Variants in ROBO1 observed in about 807,000 individuals in gnomAD.
ROBO1 encodes the protein roundabout guidance receptor 1.
ROBO1 carries 149 observed loss-of-function variants against 195.9 expected under a neutral mutation model. That is an observed-to-expected ratio of 0.76 (90% CI 0.67 to 0.87). The LOEUF (loss-of-function observed/expected upper bound fraction) is 0.87. Ranked by LOEUF, ROBO1 falls within the 40% of genes least tolerant of loss-of-function variation. ROBO1 has a pLI of 0.00. For synonymous variants in ROBO1, 816 were observed against 733.2 expected (o/e 1.11, Z -1.82); for missense variants, 1,933 against 2,068.3 (o/e 0.93, Z 1.27).
chr3:79,422,833 C>T lies in ROBO1; in HGVS notation c.88+166991G>A, dbSNP rs1345635993. The stretch of plus-strand genomic sequence containing the variant: ...TAGAATCAAGAGTACTTTATCTTTG[C>T]TCATTTTTATTTCTGTGGTACTCAC... On this transcript the variant is annotated intron_variant, in intron 2 of 30. Coordinates refer to ENST00000464233, the MANE Select transcript of ROBO1 (RefSeq NM_002941.4). Among the ~76,000 whole-genome samples, 4 of 152,230 alleles carry T rather than the reference C, an allele frequency of 2.6e-5. No homozygotes were observed. The East Asian group carries it at 7.7e-4, about 29-fold the overall frequency.
intron 2 of ROBO1, among the ~76,000 whole-genome samples, chr3:79,359,824 C>A (rs758641441): frequency 1.3e-5 from 2 of 151,682 alleles, no homozygotes; most frequent in Non-Finnish European, 2.9e-5. Flanking sequence ...AATACAGATA[C>A]CAAGCATAAG....
At chr3:79,296,549 C>T (rs944018680) in intron 2 of ROBO1, among the ~76,000 whole-genome samples, 4 of 152,104 alleles carry the variant, frequency 2.6e-5, no homozygotes, top group Admixed American at 1.3e-4. Context: ...ATCTAACTTG[C>T]CCAATCATGA....
chr3:79,562,488 A>G (rs907667925), intron 2 of ROBO1, among the ~76,000 whole-genome samples: 22 of 152,080 alleles, frequency 1.4e-4, no homozygotes, highest in African/African-American at 4.8e-4. Flanking sequence ...TGTATATATC[A>G]TTGGGAAATC....
chr3:79,202,225 C>T (rs1287435711), intron 2 of ROBO1, among the ~76,000 whole-genome samples: 2 of 151,864 alleles, frequency 1.3e-5, no homozygotes, highest in Admixed American at 1.3e-4. Context: ...CTTTTGATAC[C>T]TTTAGTTTTT....
At position 79,548,039 on chromosome 3, in the gene ROBO1, G is replaced by A. The variant is rs148613084; in HGVS notation, c.88+41785C>T. On this transcript the variant is annotated intron_variant, in intron 2 of 30. Transcript: ENST00000464233. Reference sequence around the variant, plus strand: ...GCAAGTTTCCCCCATGTCAGGTGTCGGGTGTGTGCAGAAACAGTTTTAAGC... The same window carrying A: ...GCAAGTTTCCCCCATGTCAGGTGTCAGGTGTGTGCAGAAACAGTTTTAAGC... 2.8e-3 allele frequency among the ~76,000 whole-genome samples: 427 copies of A among 152,224 alleles called. 3 individuals carry two copies. Among genetic ancestry groups the A allele is most frequent in the African/African-American group, 9.8e-3 (406 of 41,524 alleles).
chr3:79,421,764 G>A (rs980757951), intron 2 of ROBO1, among the ~76,000 whole-genome samples: 9 of 152,122 alleles, frequency 5.9e-5, no homozygotes, highest in South Asian at 2.1e-4. Flanking sequence ...TATTGCTGAC[G>A]GTAAAGCAAG....
At chr3:79,258,879 C>T (rs2082885714) in intron 2 of ROBO1, among the ~76,000 whole-genome samples, 1 of 151,976 alleles carries the variant, frequency 6.6e-6, no homozygotes, top group African/African-American at 2.4e-5. Context: ...AGGCTATTGC[C>T]TAGAAATCCA....
intron 2 of ROBO1, among the ~76,000 whole-genome samples, chr3:79,384,759 C>T (rs965511045): frequency 2.6e-5 from 4 of 151,948 alleles, no homozygotes; most frequent in East Asian, 3.8e-4. Flanking sequence ...AGCACACACA[C>T]GTTTTTAAAA....
intron 2 of ROBO1, among the ~76,000 whole-genome samples, chr3:79,531,979 G>A (rs1246809314): frequency 1.3e-5 from 2 of 152,132 alleles, no homozygotes; most frequent in African/African-American, 4.8e-5. Flanking sequence ...TTGGGAATAC[G>A]ATCTGTTTGA....
At chr3:79,737,883 T>C (rs955476795) in intron 1 of ROBO1, among the ~76,000 whole-genome samples, 4 of 152,202 alleles carry the variant, frequency 2.6e-5, no homozygotes, top group African/African-American at 7.2e-5. Flanking sequence ...TCTTTCTTCT[T>C]TATTTACCTT....
chr3:79,388,644 C>G (rs1228169915), intron 2 of ROBO1, among the ~76,000 whole-genome samples: 1 of 152,058 alleles, frequency 6.6e-6, no homozygotes, highest in African/African-American at 2.4e-5. Flanking sequence ...TTAGACTGAG[C>G]TAAATGATAT....
rs545459284 is a variant in ROBO1 at position 79,741,789 on chromosome 3, T to C, written c.-51+25963A>G. ...ATTGTGACAAAAGTGCTGATAGTGA[T>C]GTGGACAATAAAGTCCAGGCTGAGG... On this transcript the variant is annotated intron_variant, in intron 1 of 30. Coordinates refer to ENST00000464233, the MANE Select transcript of ROBO1 (RefSeq NM_002941.4). Among the ~76,000 whole-genome samples the C allele has an allele frequency of 3.3e-5, 5 of 152,324 alleles. No individual in the cohort carries two copies. In the South Asian group the frequency reaches 1.0e-3, roughly 32 times the overall value.
At chr3:79,602,039 G>A (rs1050034971) in intron 1 of ROBO1, among the ~76,000 whole-genome samples, 1 of 151,880 alleles carries the variant, frequency 6.6e-6, no homozygotes, top group African/African-American at 2.4e-5. Context: ...ATACTTAAAT[G>A]AGCTGCAAAT....
intron 25 of ROBO1, among the ~76,000 whole-genome samples, chr3:78,630,144 A>G (rs1705096184): frequency 6.6e-6 from 1 of 152,192 alleles, no homozygotes; most frequent in Non-Finnish European, 1.5e-5. Context: ...TATATATTAA[A>G]TAAGCCTCTT....
At chr3:79,693,153 A>C (rs752053292) in intron 1 of ROBO1, among the ~76,000 whole-genome samples, 2 of 151,810 alleles carry the variant, frequency 1.3e-5, no homozygotes, top group Admixed American at 6.6e-5. Context: ...TAACCAAAGA[A>C]AATGATAAGT....
intron 2 of ROBO1, chr3:79,527,990 G>T (rs1402889863): frequency 6.5e-5 from 1 of 15,426 alleles, no homozygotes; most frequent in East Asian, 1.5e-3. Flanking sequence ...ACCAAATTGA[G>T]AAGTTATTTT....
chr3:78,698,138 A>G (rs544288832), intron 8 of ROBO1, among the ~76,000 whole-genome samples: 56 of 152,304 alleles, frequency 3.7e-4, no homozygotes, highest in African/African-American at 1.3e-3. Context: ...AGAGAATACA[A>G]ATGAAATAAG....
At chr3:79,243,454 T>G (rs2082561688) in intron 2 of ROBO1, among the ~76,000 whole-genome samples, 1 of 152,096 alleles carries the variant, frequency 6.6e-6, no homozygotes, top group Admixed American at 6.6e-5. Flanking sequence ...CCACCAACAG[T>G]GTAAAAGTGT....
In ROBO1 at chr3:79,418,450, C is replaced by CCCATTTTT. The variant is rs2038096201; in HGVS notation, c.88+171373_88+171374insAAAAATGG. On this transcript the variant is annotated intron_variant, in intron 2 of 30. Coordinates refer to ENST00000464233, the MANE Select transcript of ROBO1 (RefSeq NM_002941.4). Reference sequence around the variant, plus strand: ...AAATGAATTTATTGTGTCCCTAATGCCATGATCAATGAAAAAATCTTCAGC... The same window carrying CCCATTTTT: ...AAATGAATTTATTGTGTCCCTAATGCCCATTTTTCATGATCAATGAAAAAATCTTCAGC... Among the ~76,000 whole-genome samples, 9 of 152,122 alleles carry CCCATTTTT rather than the reference C, an allele frequency of 5.9e-5. No homozygotes were observed. The South Asian group carries it at 1.9e-3, about 32-fold the overall frequency.
Sources: gnomAD v4.1 joint callset for allele counts (sites outside exome capture counted in the v4.1 genomes callset) on GRCh38, gnomAD v4.1.1 for gene constraint, MANE v1.5 for transcripts, NCBI Gene and HGNC (gene_info 2026-07-23, HGNC 2026-07-21) for gene names.